Variants in TMEM106C observed in about 807,000 individuals in gnomAD.
The protein encoded by TMEM106C is transmembrane protein 106C.
TMEM106C carries 27 observed loss-of-function variants against 30.8 expected under a neutral mutation model. That is an observed-to-expected ratio of 0.88 (90% CI 0.65 to 1.21). The LOEUF (loss-of-function observed/expected upper bound fraction) is 1.21. Among genes scored for constraint, TMEM106C ranks in the 50% most tolerant of loss-of-function variants. The pLI, the probability that TMEM106C is intolerant of heterozygous loss-of-function variation, is 0.00. For synonymous variants in TMEM106C, 123 were observed against 118.8 expected, an observed-to-expected ratio of 1.04 and a Z score of -0.23; for missense variants, 288 against 307.8, an observed-to-expected ratio of 0.94 and a Z score of 0.48.
Position 47,965,312 on chromosome 12 carries a change from C to T in TMEM106C, c.218C>T (p.Pro73Leu), listed in dbSNP as rs1304722820. ...EQVNELVALI[P>L]HSDQRLRPQR... ...GTAAATGAGTTGGTGGCTTTGATCC[C>T]ACACAGTGATCAGAGATTGCGCCCT... Residue 73 changes from proline (P) to leucine (L), a missense_variant, in exon 3 of 8, where the codon CCA (proline) becomes CTA (leucine). Physicochemically the swap from Pro to Leu is moderately conservative, Grantham distance 98 (BLOSUM62 -3). Coordinates refer to ENST00000429772, the MANE Select transcript of TMEM106C (RefSeq NM_001143842.2). 1.2e-6 allele frequency: 2 copies of T among 1,614,144 alleles called. No individual in the cohort carries two copies. Among genetic ancestry groups the T allele is most frequent in the Non-Finnish European group, 1.7e-6 (2 of 1,180,010 alleles).
At chr12:47,965,731 A>C in intron 3 of TMEM106C, 107 bp from the exon 4 acceptor site, 2 of 1,388,406 alleles carry the variant, frequency 1.4e-6, no homozygotes, top group Non-Finnish European at 2.0e-6. Context: ...TGGCTCTTGG[A>C]ACTTCCCTTT....
At chr12:47,967,314 C>T (rs1023326444) in intron 7 of TMEM106C, 53 bp downstream of exon 7, 27 of 1,599,462 alleles carry the variant, frequency 1.7e-5, no homozygotes, top group Middle Eastern at 1.7e-4. Flanking sequence ...GAGCCTACCA[C>T]CTTTGCTCAG....
intron 4 of TMEM106C, 42 bp downstream of exon 4, chr12:47,966,039 G>A (rs762264182): frequency 5.6e-6 from 9 of 1,614,214 alleles, no homozygotes; most frequent in Non-Finnish European, 6.8e-6. Context: ...GCACCTGCCA[G>A]GCTGGGACCC....
intron 2 of TMEM106C, 187 bp downstream of exon 2, chr12:47,964,610 C>G (rs1280403765): frequency 6.6e-6 from 4 of 601,682 alleles, no homozygotes; most frequent in Non-Finnish European, 1.2e-5. Flanking sequence ...CTTATTTTTC[C>G]AACCCTTTCT....
At position 47,968,742 on chromosome 12, in the gene TMEM106C, T is replaced by C. The variant is rs1938333747; in HGVS notation, c.*513T>C. On this transcript the variant is annotated 3_prime_UTR_variant, in exon 8 of 8. Coordinates refer to ENST00000429772, the MANE Select transcript of TMEM106C (RefSeq NM_001143842.2). ...AGCTTTTTGAAAAGAAAGAAAAAAGTGTGTTGGCTTTTTTTTTTTTTAGAA... is the reference window on the plus strand; with the variant it reads ...AGCTTTTTGAAAAGAAAGAAAAAAGCGTGTTGGCTTTTTTTTTTTTTAGAA... 6.8e-6 allele frequency: 1 copy of C among 146,370 alleles called. No individual in the cohort carries two copies. Among genetic ancestry groups the C allele is most frequent in the Admixed American group, 7.3e-5 (1 of 13,628 alleles). The allele number at this position is 146,370 out of a possible 1,614,324, so 9.1% of individuals were successfully genotyped here.
intron 6 of TMEM106C, 107 bp from the exon 7 acceptor site, chr12:47,967,101 C>G (rs774866382): frequency 8.8e-7 from 1 of 1,140,630 alleles, no homozygotes; most frequent in Non-Finnish European, 1.3e-6. Flanking sequence ...GCACTTAGGT[C>G]GGAAGGGGGA....
intron 7 of TMEM106C, among the ~76,000 whole-genome samples, chr12:47,967,818 G>T (rs1938289767): frequency 6.6e-6 from 1 of 152,086 alleles, no homozygotes; most frequent in Non-Finnish European, 1.5e-5. Flanking sequence ...CCTGGCATCT[G>T]CCCACTAGAT....
Position 47,968,219 on chromosome 12 carries a change from C to T in TMEM106C, c.743C>T (p.Thr248Ile), listed in dbSNP as rs1938310831. The change falls in exon 8 of 8, where the codon ACA becomes ATA. Residue 248 changes from threonine (T) to isoleucine (I), a missense_variant. Thr to Ile is a moderately conservative substitution (Grantham distance 89, BLOSUM62 -1). Transcript: ENST00000429772. ...HHYVDCGGNS[T>I]AI ...TATGTGGATTGTGGAGGAAATTCCACAGCTATTTAACAACTGCTATTGGTT... is the reference window on the plus strand; with the variant it reads ...TATGTGGATTGTGGAGGAAATTCCATAGCTATTTAACAACTGCTATTGGTT... 1.2e-6 allele frequency: 2 copies of T among 1,612,732 alleles called. No individual in the cohort carries two copies. The highest frequency in any genetic ancestry group is 1.7e-6 in the Non-Finnish European group (2 of 1,178,946).
intron 3 of TMEM106C, chr12:47,965,635 C>T: frequency 1.4e-6 from 1 of 735,036 alleles, no homozygotes; most frequent in African/African-American, 1.8e-5. Flanking sequence ...CTTTCTTCAG[C>T]TTTTCTTCCC....
rs777874455 is a variant in TMEM106C, at chr12:47,966,097, G to A, written c.420G>A (p.Leu140=). 3.7e-6 allele frequency: 6 copies of A among 1,614,222 alleles called. No individual in the cohort carries two copies. Among genetic ancestry groups the A allele is most frequent in the Non-Finnish European group, 5.1e-6 (6 of 1,180,040 alleles). The change falls in exon 5 of 8, where the codon CTG becomes CTA. Residue 140 remains leucine (L), a synonymous_variant. Transcript: ENST00000429772. Reference sequence around the variant, plus strand: ...GACTTGCCCTGATGTAGGCCACCCTGAAAATCAGGAACTCCAACTTCTACA... The same window carrying A: ...GACTTGCCCTGATGTAGGCCACCCTAAAAATCAGGAACTCCAACTTCTACA... ...SLVILTIMAT[L]KIRNSNFYTV...
chr12:47,965,925 G>C lies in TMEM106C; in HGVS notation c.339G>C (p.Val113=). 2 of 1,614,196 alleles carry C rather than the reference G, an allele frequency of 1.2e-6. No homozygotes were observed. The highest frequency in any genetic ancestry group is 2.2e-5 in the South Asian group (2 of 91,082). Residue 113 remains valine (V), a synonymous_variant, in exon 4 of 8, where the codon GTG becomes GTC. Transcript: ENST00000429772. Reference sequence around the variant, plus strand: ...TCCTGTTTCCGCATTCAGTCCTTGTGGATGATGACGGCATCAAAGTGGTGA... The same window carrying C: ...TCCTGTTTCCGCATTCAGTCCTTGTCGATGATGACGGCATCAAAGTGGTGA... ...VFFLFPHSVL[V]DDDGIKVVKV...
At position 47,968,189 on chromosome 12, in the gene TMEM106C, A is replaced by T; in HGVS notation, c.713A>T (p.His238Leu). The stretch of plus-strand genomic sequence containing the variant: ...ATGACCCAGAGCTCCTTGGAGACAC[A>T]TCACTATGTGGATTGTGGAGGAAAT... ...GLMTQSSLET[H>L]HYVDCGGNST... The change falls in exon 8 of 8, where the codon CAT becomes CTT. Residue 238 changes from histidine (H) to leucine (L), a missense_variant. Physicochemically the swap from His to Leu is moderately conservative, Grantham distance 99. Transcript: ENST00000429772. 1 of 1,614,138 alleles carries T rather than the reference A, an allele frequency of 6.2e-7. No homozygotes were observed. The highest frequency in any genetic ancestry group is 8.5e-7 in the Non-Finnish European group (1 of 1,179,974).
At chr12:47,963,819 A>C in intron 1 of TMEM106C, 115 bp downstream of exon 1, 1 of 235,680 alleles carries the variant, frequency 4.2e-6, no homozygotes, top group Non-Finnish European at 8.4e-6. Context: ...GTGGAGAGGA[A>C]TGGGAATCGT....
chr12:47,964,511 G>A (rs1938156890), intron 2 of TMEM106C, 88 bp downstream of exon 2: 2 of 1,274,778 alleles, frequency 1.6e-6, no homozygotes, highest in African/African-American at 1.5e-5. Context: ...CTTCTAGGCA[G>A]TAATACCATA....
chr12:47,966,563 C>A, intron 5 of TMEM106C, 120 bp from the exon 6 acceptor site: 2 of 1,137,450 alleles, frequency 1.8e-6, no homozygotes, highest in Non-Finnish European at 2.7e-6. Flanking sequence ...TAGGGACAAT[C>A]TCAGGGAAGT....
In TMEM106C at chr12:47,966,197, G is replaced by A. The variant is rs115720444; in HGVS notation, c.520G>A (p.Val174Ile). 5.4e-5 allele frequency: 87 copies of A among 1,614,132 alleles called. No homozygotes were observed. The highest frequency in any genetic ancestry group is 3.3e-4 in the Middle Eastern group (2 of 6,062). Residue 174 changes from valine (V) to isoleucine (I), a missense_variant, in exon 5 of 8, where the codon GTC (valine) becomes ATC (isoleucine). Physicochemically the swap from Val to Ile is conservative, Grantham distance 29. Transcript: ENST00000429772. ...TVVSTYVTTN[V>I]SLIPPRSEQL... The stretch of plus-strand genomic sequence containing the variant: ...GGTCAGTACATATGTGACTACTAAC[G>A]TCTCCCTTATTCCACCTCGGAGTGA...
chr12:47,965,225 G>T, intron 2 of TMEM106C, 57 bp from the exon 3 acceptor site: 1 of 1,444,606 alleles, frequency 6.9e-7, no homozygotes, highest in Non-Finnish European at 9.7e-7. Context: ...AGTGAGACGT[G>T]AAGGAAGTAC....
At chr12:47,965,723 G>A (rs1212780233) in intron 3 of TMEM106C, 115 bp from the exon 4 acceptor site, 3 of 1,329,092 alleles carry the variant, frequency 2.3e-6, no homozygotes, top group Admixed American at 2.1e-5. Flanking sequence ...ATGGTTCCTG[G>A]CTCTTGGAAC....
chr12:47,966,048 C>T (rs1363930243), intron 4 of TMEM106C, 41 bp from the exon 5 acceptor site: 1 of 1,614,148 alleles, frequency 6.2e-7, no homozygotes, highest in South Asian at 1.1e-5. Context: ...AGGCTGGGAC[C>T]CAGGACACTT....
Sources: allele counts gnomAD v4.1 joint callset (sites outside exome capture counted in the v4.1 genomes callset), GRCh38; gene constraint gnomAD v4.1.1; transcripts MANE v1.5; gene names NCBI Gene and HGNC (gene_info 2026-07-23, HGNC 2026-07-21).